The following IFT52 variants were observed in gnomAD, a reference collection of about 807,000 sequenced individuals.
IFT52 encodes intraflagellar transport protein 52 homolog.
Under a neutral mutation model 54.4 loss-of-function variants are expected in IFT52, and 44 were observed. That is an observed-to-expected ratio of 0.81 (90% confidence interval 0.63 to 1.04). The LOEUF (loss-of-function observed/expected upper bound fraction) is 1.04, where lower values mean the gene tolerates loss of function less well. Among genes scored for constraint, IFT52 ranks in the 50% least tolerant of loss-of-function variants. The pLI is 0.00. For missense variants in IFT52, 452 were observed against 523.6 expected, an observed-to-expected ratio of 0.86 and a Z score of 1.33; for synonymous variants, 181 against 185.3, an observed-to-expected ratio of 0.98 and a Z score of 0.19.
At chr20:43,629,072 A>G (rs1308017221) in intron 10 of IFT52, among the ~76,000 whole-genome samples, 1 of 152,142 alleles carries the variant, frequency 6.6e-6, no homozygotes, top group Non-Finnish European at 1.5e-5. Context: ...GTGGGCCCAG[A>G]CATGGATTTA....
intron 6 of IFT52, among the ~76,000 whole-genome samples, chr20:43,605,702 A>G (rs1568728699): frequency 6.6e-6 from 1 of 152,062 alleles, no homozygotes; most frequent in Admixed American, 6.6e-5. Context: ...TAAGTAGTTT[A>G]TAATGTTTTT....
intron 7 of IFT52, among the ~76,000 whole-genome samples, chr20:43,615,191 C>T (rs935112132): frequency 2.0e-5 from 3 of 151,800 alleles, no homozygotes; most frequent in African/African-American, 7.3e-5. Context: ...TACAGGCCTG[C>T]ACCACCACAC....
At chr20:43,641,884 C>T (rs1443958643) in intron 12 of IFT52, among the ~76,000 whole-genome samples, 1 of 151,800 alleles carries the variant, frequency 6.6e-6, no homozygotes, top group Non-Finnish European at 1.5e-5. Context: ...ACCTCCATCT[C>T]CCCAGTTGAG....
chr20:43,604,584 A>G (rs1316341904), intron 5 of IFT52, among the ~76,000 whole-genome samples: 1 of 152,112 alleles, frequency 6.6e-6, no homozygotes, highest in Non-Finnish European at 1.5e-5. Flanking sequence ...TCAAAAAAAA[A>G]ATAAAGCAGA....
intron 10 of IFT52, among the ~76,000 whole-genome samples, chr20:43,627,926 T>TG (rs1555804983): frequency 7.0e-6 from 1 of 141,866 alleles, no homozygotes; most frequent in African/African-American, 2.6e-5. Context: ...GAGAGAGTTT[T>TG]TTTTTTTTTT....
At chr20:43,597,385 G>A (rs1157997103) in intron 3 of IFT52, among the ~76,000 whole-genome samples, 1 of 148,940 alleles carries the variant, frequency 6.7e-6, no homozygotes, top group Non-Finnish European at 1.5e-5. Context: ...AAAAAAAAAA[G>A]AAAGAAAATA....
chr20:43,625,315 C>A (rs150348627), intron 10 of IFT52, among the ~76,000 whole-genome samples: 1,666 of 152,124 alleles, frequency 0.011, 22 homozygotes, highest in African/African-American at 0.03. Flanking sequence ...TCGAGACCAG[C>A]CTGGCCAACA....
chr20:43,606,705 C>G (rs915384560), intron 6 of IFT52, among the ~76,000 whole-genome samples: 1 of 151,816 alleles, frequency 6.6e-6, no homozygotes. Context: ...ACAAAGGTCT[C>G]TGGTTTTCCT....
intron 9 of IFT52, among the ~76,000 whole-genome samples, chr20:43,622,367 G>A (rs1363194363): frequency 6.6e-6 from 1 of 152,148 alleles, no homozygotes; most frequent in Non-Finnish European, 1.5e-5. Flanking sequence ...GGGAGGCCGA[G>A]GCGGGCGGAT....
chr20:43,602,862 C>T (rs1162106312), intron 3 of IFT52, among the ~76,000 whole-genome samples: 1 of 152,068 alleles, frequency 6.6e-6, no homozygotes, highest in Non-Finnish European at 1.5e-5. Flanking sequence ...TGTGGCAAAT[C>T]TAGTCTGGGC....
intron 3 of IFT52, among the ~76,000 whole-genome samples, chr20:43,600,715 A>T (rs1982374397): frequency 6.6e-6 from 1 of 152,148 alleles, no homozygotes; most frequent in Non-Finnish European, 1.5e-5. Context: ...TTACTCCTGT[A>T]ATCCCAGGAG....
rs370361208 is a variant in IFT52, at chr20:43,629,224, C to G, written c.923+5179C>G. ...GTTTTAATTAGCTTATTTTGTAAAA[C>G]CTTATACATCATATCCAAAAGCTCT... On this transcript the variant is annotated intron_variant, in intron 10 of 13. Transcript: ENST00000373030. 1.2e-4 allele frequency among the ~76,000 whole-genome samples: 19 copies of G among 152,196 alleles called. 1 individual carries two copies. Among genetic ancestry groups the G allele is most frequent in the African/African-American group, 3.9e-4 (16 of 41,522 alleles).
chr20:43,634,735 A>C (rs950094162), intron 10 of IFT52, among the ~76,000 whole-genome samples: 1 of 151,876 alleles, frequency 6.6e-6, no homozygotes, highest in African/African-American at 2.4e-5. Context: ...AGATTATTTC[A>C]TCACGCATGT....
chr20:43,593,101 A>AAAT (rs951117490), intron 1 of IFT52, among the ~76,000 whole-genome samples: 1 of 152,152 alleles, frequency 6.6e-6, no homozygotes, highest in Non-Finnish European at 1.5e-5. Context: ...CTTTTATCTC[A>AAAT]AATAATAATA....
At chr20:43,608,187 G>A (rs1983128091) in intron 6 of IFT52, among the ~76,000 whole-genome samples, 2 of 152,234 alleles carry the variant, frequency 1.3e-5, no homozygotes, top group Admixed American at 6.5e-5. Flanking sequence ...AGAGGGAGAG[G>A]GAGTGGGAGT....
intron 5 of IFT52, 117 bp from the exon 6 acceptor site, chr20:43,604,885 G>T: frequency 9.9e-7 from 1 of 1,009,454 alleles, no homozygotes; most frequent in South Asian, 1.4e-5. Flanking sequence ...CTGCAGCCTT[G>T]ACCTCCCAGG....
chr20:43,617,807 A>T (rs1464836508), intron 7 of IFT52, among the ~76,000 whole-genome samples: 1 of 150,844 alleles, frequency 6.6e-6, no homozygotes, highest in Non-Finnish European at 1.5e-5. Context: ...CAGTGGCGCG[A>T]TCTCAGCTCG....
chr20:43,642,462 T>A lies in IFT52; in HGVS notation c.1121-17T>A. 1 of 1,612,536 alleles carries A rather than the reference T, an allele frequency of 6.2e-7. No individual in the cohort carries two copies. The highest frequency in any genetic ancestry group is 8.5e-7 in the Non-Finnish European group (1 of 1,178,922). ...AGAAGTTAAGAATTAATCTAACTAC[T>A]ACTCCAACTGTCTTAGGTACTGAAG... On this transcript the variant is annotated splice_polypyrimidine_tract_variant and intron_variant, in intron 12 of 13. Coordinates refer to ENST00000373030, the MANE Select transcript of IFT52 (RefSeq NM_016004.5).
intron 11 of IFT52, among the ~76,000 whole-genome samples, 181 bp from the exon 12 acceptor site, chr20:43,636,964 G>C (rs1417767861): frequency 1.3e-5 from 2 of 152,206 alleles, no homozygotes; most frequent in Non-Finnish European, 2.9e-5. Context: ...CCGAGTTACT[G>C]TTCTGTAGGG....
Sources: allele counts gnomAD v4.1 joint callset (sites outside exome capture counted in the v4.1 genomes callset), GRCh38; gene constraint gnomAD v4.1.1; transcripts MANE v1.5; gene names NCBI Gene and HGNC (gene_info 2026-07-23, HGNC 2026-07-21).